Variants in MYO1B observed in about 807,000 individuals in gnomAD.
The protein encoded by MYO1B is unconventional myosin-Ib.
A neutral mutation model predicts 159.7 loss-of-function variants in MYO1B; 72 were observed. The observed-to-expected ratio is 0.45, with a 90% CI of 0.37 to 0.55. The LOEUF is 0.55. Ranked by LOEUF, MYO1B falls within the 20% of genes least tolerant of loss-of-function variation. The pLI, the probability that MYO1B is intolerant of heterozygous loss-of-function variation, is 0.00. For synonymous variants in MYO1B, 468 were observed against 473.8 expected (o/e 0.99, Z 0.16); for missense variants, 1,062 against 1,364.8 (o/e 0.78, Z 3.50).
intron 3 of MYO1B, among the ~76,000 whole-genome samples, chr2:191,307,638 C>A (rs976506366): frequency 4.6e-5 from 7 of 152,118 alleles, no homozygotes; most frequent in African/African-American, 1.7e-4. Context: ...ACAGACCACA[C>A]AGGTCAAAGG....
chr2:191,309,284 A>G (rs1425112230), intron 3 of MYO1B, among the ~76,000 whole-genome samples: 2 of 151,728 alleles, frequency 1.3e-5, no homozygotes, highest in Non-Finnish European at 2.9e-5. Flanking sequence ...CCTATTGCAC[A>G]CTCAGTCCAT....
At chr2:191,348,931 G>A (rs141746018) in intron 6 of MYO1B, among the ~76,000 whole-genome samples, 5 of 152,166 alleles carry the variant, frequency 3.3e-5, no homozygotes, top group Non-Finnish European at 7.4e-5. Context: ...TCATCCTCAC[G>A]GTTGCCAATT....
intron 2 of MYO1B, among the ~76,000 whole-genome samples, chr2:191,280,271 A>T (rs1687978156): frequency 6.6e-6 from 1 of 152,208 alleles, no homozygotes; most frequent in South Asian, 2.1e-4. Flanking sequence ...TGGAAATGTC[A>T]GGTAGTGTTA....
chr2:191,279,925 A>G (rs1687957689), intron 2 of MYO1B, among the ~76,000 whole-genome samples: 2 of 152,188 alleles, frequency 1.3e-5, no homozygotes, highest in African/African-American at 4.8e-5. Context: ...CCCTTGCCCC[A>G]GACTTTTGAA....
At position 191,285,864 on chromosome 2, in the gene MYO1B, G is replaced by A. The variant is rs925662186; in HGVS notation, c.135+8834G>A. On this transcript the variant is annotated intron_variant, in intron 2 of 30. Coordinates refer to ENST00000392318, the MANE Select transcript of MYO1B (RefSeq NM_001130158.3). Reference sequence around the variant, plus strand: ...CGTCCTGGACCCATAGTCACCCTCAGGTCCCAGATTTGTTATAGCCTGGGA... The same window carrying A: ...CGTCCTGGACCCATAGTCACCCTCAAGTCCCAGATTTGTTATAGCCTGGGA... 4.6e-5 allele frequency among the ~76,000 whole-genome samples: 7 copies of A among 152,100 alleles called. 1 individual carries two copies. The highest frequency in any genetic ancestry group is 4.6e-4 in the Admixed American group (7 of 15,278).
chr2:191,416,085 T>C, intron 29 of MYO1B, 30 bp from the exon 30 acceptor site: 1 of 1,604,070 alleles, frequency 6.2e-7, no homozygotes, highest in Non-Finnish European at 8.5e-7. Flanking sequence ...GTATCTTTAA[T>C]TATGACCGAC....
At chr2:191,276,750 G>C (rs554410060) in intron 1 of MYO1B, 137 bp from the exon 2 acceptor site, 1 of 1,002,790 alleles carries the variant, frequency 1.0e-6, no homozygotes, top group African/African-American at 1.7e-5. Context: ...GGTTCATAGG[G>C]AGGAGAGGTT....
intron 30 of MYO1B, among the ~76,000 whole-genome samples, chr2:191,416,752 T>C (rs1697594923): frequency 6.6e-6 from 1 of 151,672 alleles, no homozygotes; most frequent in African/African-American, 2.4e-5. Flanking sequence ...AGGCGGAGAT[T>C]GCAATGAGCC....
At chr2:191,355,278 C>T (rs754569708) in intron 7 of MYO1B, among the ~76,000 whole-genome samples, 2 of 152,190 alleles carry the variant, frequency 1.3e-5, no homozygotes, top group Non-Finnish European at 2.9e-5. Context: ...GCCAAGCTGG[C>T]TCAGGCCAGA....
chr2:191,399,420 T>G (rs1023886623), intron 21 of MYO1B, among the ~76,000 whole-genome samples: 15 of 152,198 alleles, frequency 9.9e-5, no homozygotes, highest in Middle Eastern at 3.4e-3. Context: ...TCACAGATTG[T>G]CTGGCTGCTG....
chr2:191,278,592 T>C (rs914363086), intron 2 of MYO1B, among the ~76,000 whole-genome samples: 2 of 152,236 alleles, frequency 1.3e-5, no homozygotes, highest in Non-Finnish European at 2.9e-5. Flanking sequence ...GGAGTCTTAA[T>C]TGGATAACTG....
At chr2:191,356,000 C>A (rs1272438954) in intron 7 of MYO1B, among the ~76,000 whole-genome samples, 1 of 152,052 alleles carries the variant, frequency 6.6e-6, no homozygotes, top group Non-Finnish European at 1.5e-5. Context: ...TGCATTCATG[C>A]CATTTTGTAT....
Position 191,267,403 on chromosome 2 carries a change from T to C in MYO1B, c.-9-9484T>C, listed in dbSNP as rs535621967. ...AAGATTTTAACAAAAGCCCTCCTAC[T>C]AGCATTCCATTAGACATTTTCAGCA... On this transcript the variant is annotated intron_variant, in intron 1 of 30. Coordinates refer to ENST00000392318, the MANE Select transcript of MYO1B (RefSeq NM_001130158.3). 2.0e-5 allele frequency among the ~76,000 whole-genome samples: 3 copies of C among 152,310 alleles called. No homozygotes were observed. In the South Asian group the frequency reaches 6.2e-4, roughly 32 times the overall value.
rs1477027740 is a variant in MYO1B, at chr2:191,414,385, A to G, written c.3007-132A>G. The G allele has an allele frequency of 2.9e-6, 3 of 1,039,138 alleles. No individual in the cohort carries two copies. The African/African-American group carries it at 4.9e-5, about 17-fold the overall frequency. 64.4% of individuals were successfully genotyped at this position (1,039,138 alleles called of 1,614,324 possible). A position where few individuals can be genotyped will look rare whatever the true frequency, so the allele number is the denominator to read the frequency against. On this transcript the variant is annotated intron_variant, in intron 28 of 30. Coordinates refer to ENST00000392318, the MANE Select transcript of MYO1B (RefSeq NM_001130158.3). ...ATAAAACATATTATTTATGTTCTTT[A>G]CTGCGTTCTTGGTTTACATAGGTAT... is the stretch of plus-strand genomic sequence containing the variant.
intron 22 of MYO1B, 66 bp downstream of exon 22, chr2:191,400,534 G>A (rs1314247140): frequency 1.0e-5 from 16 of 1,544,232 alleles, no homozygotes; most frequent in African/African-American, 6.8e-5. Flanking sequence ...ATGAACCCTC[G>A]GCTTCAGGGG....
rs71030338 is a variant in MYO1B, at chr2:191,383,515, T to TACAC, written c.1353+203_1353+206dup. 6.9e-3 allele frequency among the ~76,000 whole-genome samples: 846 copies of TACAC among 122,422 alleles called. 20 individuals carry two copies. The highest frequency in any genetic ancestry group is 0.027 in the African/African-American group (802 of 29,266). 80.3% of individuals were successfully genotyped at this position (122,422 alleles called of 152,430 possible). ...ATGTGTATATATATATATATACACGTACACACACACACACACACACACACA... is the reference window on the plus strand; with the variant it reads ...ATGTGTATATATATATATATACACGTACACACACACACACACACACACACACACA... On this transcript the variant is annotated intron_variant, in intron 15 of 30. Transcript: ENST00000392318.
intron 18 of MYO1B, among the ~76,000 whole-genome samples, chr2:191,391,821 A>T (rs144629547): frequency 2.0e-5 from 3 of 152,236 alleles, no homozygotes; most frequent in Non-Finnish European, 4.4e-5. Flanking sequence ...ACATCATTAT[A>T]GGTATTTTTG....
At chr2:191,363,636 T>TC in intron 9 of MYO1B, 92 bp from the exon 10 acceptor site, 1 of 1,453,244 alleles carries the variant, frequency 6.9e-7, no homozygotes, top group Admixed American at 2.5e-5. Flanking sequence ...TGGGTTTTTT[T>TC]CCCCAGAAAT....
intron 3 of MYO1B, among the ~76,000 whole-genome samples, chr2:191,314,238 T>G (rs1690206252): frequency 6.6e-6 from 1 of 152,252 alleles, no homozygotes; most frequent in Non-Finnish European, 1.5e-5. Context: ...GTTCATCCAT[T>G]TTTCATGTTT....
Sources: gnomAD v4.1 joint callset for allele counts (sites outside exome capture counted in the v4.1 genomes callset) on GRCh38, gnomAD v4.1.1 for gene constraint, MANE v1.5 for transcripts, NCBI Gene and HGNC (gene_info 2026-07-23, HGNC 2026-07-21) for gene names.